Variants in VNN1 observed in about 807,000 individuals in gnomAD.
VNN1 encodes the protein pantetheinase.
Under a neutral mutation model 41.9 loss-of-function variants are expected in VNN1, and 29 were observed. That is an observed-to-expected ratio of 0.69 (90% confidence interval 0.52 to 0.94). VNN1 has a LOEUF of 0.94. Among genes scored for constraint, VNN1 ranks in the 40% least tolerant of loss-of-function variants. The pLI, the probability that VNN1 is intolerant of heterozygous loss-of-function variation, is 0.00. For synonymous variants in VNN1, 233 were observed against 224.4 expected, an observed-to-expected ratio of 1.04 and a Z score of -0.34; for missense variants, 637 against 621.1, an observed-to-expected ratio of 1.03 and a Z score of -0.27.
chr6:132,693,269 G>C lies in VNN1; in HGVS notation c.581C>G (p.Pro194Arg). Residue 194 changes from proline (P) to arginine (R), a missense_variant, in exon 4 of 7, where the codon CCT (proline) becomes CGT (arginine). Pro to Arg is a moderately radical substitution (Grantham distance 103). Transcript: ENST00000367928. ...GGTGGTATTGAAAGTCACAATCTCA[G>C]GCTCCTTGGGTACATTGAATTGATT... is the stretch of plus-strand genomic sequence containing the variant. ...GENQFNVPKE[P>R]EIVTFNTTFG... 6.2e-7 allele frequency: 1 copy of C among 1,613,816 alleles called. No homozygotes were observed. The highest frequency in any genetic ancestry group is 1.1e-5 in the South Asian group (1 of 91,016).
rs1778129202 is a variant in VNN1, at chr6:132,681,892, A to T, written c.*1248T>A. The T allele has an allele frequency of 6.6e-6, 1 of 152,640 alleles. No homozygotes were observed. The highest frequency in any genetic ancestry group is 1.5e-5 in the Non-Finnish European group (1 of 68,050). 9.5% of individuals were successfully genotyped at this position (152,640 alleles called of 1,614,324 possible). ...TTTGCTGGCATAGATCACTACTGCA[A>T]GTGCCTTGCTCTCCTGTGCAGAAGG... is the stretch of plus-strand genomic sequence containing the variant. On this transcript the variant is annotated 3_prime_UTR_variant, in exon 7 of 7. Coordinates refer to ENST00000367928, the MANE Select transcript of VNN1 (RefSeq NM_004666.3).
chr6:132,709,674 A>AG (rs1554212911), intron 2 of VNN1, among the ~76,000 whole-genome samples: 2 of 104,912 alleles, frequency 1.9e-5, no homozygotes, highest in South Asian at 3.0e-4. Flanking sequence ...AAAAAAAAAA[A>AG]AGAGAGAGAG....
rs879832681 is a variant in VNN1 at position 132,692,814 on chromosome 6, GA to G, written c.826+209del. Among the ~76,000 whole-genome samples the G allele has an allele frequency of 8.7e-5, 13 of 149,272 alleles. No individual in the cohort carries two copies. The South Asian group carries it at 1.5e-3, about 17-fold the overall frequency. ...TTGTATGTAAGAAGTCATATATTTT[GA>G]AAAAAAAATCAAGTTAAATAAAACC... On this transcript the variant is annotated intron_variant, in intron 4 of 6. Coordinates refer to ENST00000367928, the MANE Select transcript of VNN1 (RefSeq NM_004666.3).
chr6:132,691,380 A>G (rs1257608245), intron 5 of VNN1, among the ~76,000 whole-genome samples: 1 of 152,092 alleles, frequency 6.6e-6, no homozygotes, highest in African/African-American at 2.4e-5. Flanking sequence ...GAGAAGAATG[A>G]GAGGACCATG....
chr6:132,685,601 C>T (rs2251449), intron 5 of VNN1, among the ~76,000 whole-genome samples: 62,004 of 152,004 alleles, frequency 0.41, 14,699 homozygotes, highest in African/African-American at 0.66. Context: ...GTAATTGATT[C>T]AGCAGACCCA....
chr6:132,703,059 C>T (rs773245996), intron 2 of VNN1, among the ~76,000 whole-genome samples: 15 of 152,188 alleles, frequency 9.9e-5, no homozygotes, highest in Non-Finnish European at 2.1e-4. Flanking sequence ...ACCAAGCAGA[C>T]TCCTAAAGTC....
chr6:132,703,412 A>G (rs1269241129), intron 2 of VNN1, among the ~76,000 whole-genome samples: 1 of 152,180 alleles, frequency 6.6e-6, no homozygotes, highest in Non-Finnish European at 1.5e-5. Context: ...AGTATGGGGG[A>G]TGAAGTTAAA....
chr6:132,697,235 A>G (rs1261512591), intron 2 of VNN1, among the ~76,000 whole-genome samples: 1 of 152,220 alleles, frequency 6.6e-6, no homozygotes, highest in African/African-American at 2.4e-5. Context: ...TTAGTAATAA[A>G]TAGGTACTAT....
Position 132,682,559 on chromosome 6 carries a change from T to C in VNN1, c.*581A>G, listed in dbSNP as rs938159887. Reference sequence around the variant, plus strand: ...TGTGCCCTACTCGCCTCTTCTTTTATGATCATCAGTCATATTGAATTAGGG... The same window carrying C: ...TGTGCCCTACTCGCCTCTTCTTTTACGATCATCAGTCATATTGAATTAGGG... On this transcript the variant is annotated 3_prime_UTR_variant, in exon 7 of 7. Transcript: ENST00000367928. The C allele has an allele frequency of 1.3e-5, 2 of 152,330 alleles. No homozygotes were observed. Among genetic ancestry groups the C allele is most frequent in the Non-Finnish European group, 2.9e-5 (2 of 68,152 alleles). The allele number at this position is 152,330 out of a possible 1,614,324, so 9.4% of individuals were successfully genotyped here. A position where few individuals can be genotyped will look rare whatever the true frequency, so the allele number is the denominator to read the frequency against.
chr6:132,701,426 A>T (rs1323053508), intron 2 of VNN1, among the ~76,000 whole-genome samples: 2 of 152,326 alleles, frequency 1.3e-5, no homozygotes, highest in East Asian at 1.9e-4. Context: ...ATATGTCAGC[A>T]CCTACAGCTA....
chr6:132,698,543 A>G (rs2267950), intron 2 of VNN1, among the ~76,000 whole-genome samples: 28,959 of 152,222 alleles, frequency 0.19, 3,352 homozygotes, highest in East Asian at 0.36. Flanking sequence ...CTGAAATAAC[A>G]GTATGAAATA....
Position 132,684,386 on chromosome 6 carries a change from G to C in VNN1, c.1308C>G (p.Val436=). Residue 436 remains valine (V), a synonymous_variant, in exon 6 of 7, where the codon GTC becomes GTG. Transcript: ENST00000367928. The part of the protein sequence containing the change: ...SLSGTFGTQY[V]FPEVLLSENQ... ...TTTCACTCAGCAACACCTCAGGAAA[G>C]ACATACTGGGTTCCGAAAGTGCCAC... is the stretch of plus-strand genomic sequence containing the variant. 2.5e-6 allele frequency: 4 copies of C among 1,613,928 alleles called. No individual in the cohort carries two copies. Among genetic ancestry groups the C allele is most frequent in the Non-Finnish European group, 3.4e-6 (4 of 1,179,906 alleles).
chr6:132,683,878 C>T (rs552663396), intron 6 of VNN1, among the ~76,000 whole-genome samples: 12 of 152,284 alleles, frequency 7.9e-5, no homozygotes, highest in African/African-American at 2.9e-4. Flanking sequence ...AAAGTTTTTG[C>T]TTTTTTGCTA....
intron 2 of VNN1, among the ~76,000 whole-genome samples, chr6:132,710,491 T>C (rs1420093117): frequency 1.3e-5 from 2 of 152,122 alleles, no homozygotes; most frequent in Non-Finnish European, 2.9e-5. Context: ...TCATCTACAT[T>C]AGGTATTTCT....
Position 132,692,474 on chromosome 6 carries a change from C to G in VNN1, c.937G>C (p.Val313Leu). 6.2e-7 allele frequency: 1 copy of G among 1,614,040 alleles called. No individual in the cohort carries two copies. The highest frequency in any genetic ancestry group is 8.5e-7 in the Non-Finnish European group (1 of 1,180,024). ...QLDSHPSHSA[V>L]VNWTSYASSI... ...CTGGCATAGGAAGTCCAGTTCACCA[C>G]TGCAGAATGGGATGGGTGGGAATCC... is the stretch of plus-strand genomic sequence containing the variant. The change falls in exon 5 of 7, where the codon GTG becomes CTG. Residue 313 changes from valine to leucine, a missense_variant. Physicochemically the swap from Val to Leu is conservative, Grantham distance 32 (BLOSUM62 1). Coordinates refer to ENST00000367928, the MANE Select transcript of VNN1 (RefSeq NM_004666.3).
rs1335715232 is a variant in VNN1 at position 132,683,233 on chromosome 6, G to A, written c.1449C>T (p.Asp483=). 1 of 1,613,970 alleles carries A rather than the reference G, an allele frequency of 6.2e-7. No individual in the cohort carries two copies. The highest frequency in any genetic ancestry group is 8.5e-7 in the Non-Finnish European group (1 of 1,180,002). Residue 483 remains aspartate (D), a synonymous_variant, in exon 7 of 7, where the codon GAC becomes GAT. Transcript: ENST00000367928. ...GGCCTGATGAAGCATTTGATGCCCA[G>A]TCCTTCTCATACAACCTCCCAAACA... The part of the protein sequence containing the change: ...VTLFGRLYEK[D]WASNASSGLT...
chr6:132,693,372 T>C, intron 3 of VNN1, 57 bp from the exon 4 acceptor site: 1 of 1,481,126 alleles, frequency 6.8e-7, no homozygotes, highest in Non-Finnish European at 9.0e-7. Context: ...GATCTGGACA[T>C]CACAGTGTGG....
At chr6:132,700,655 G>A (rs1300398534) in intron 2 of VNN1, among the ~76,000 whole-genome samples, 1 of 152,158 alleles carries the variant, frequency 6.6e-6, no homozygotes, top group Non-Finnish European at 1.5e-5. Context: ...GTGGAGATGG[G>A]AAGGATGAAA....
At chr6:132,687,595 G>A (rs1388568056) in intron 5 of VNN1, among the ~76,000 whole-genome samples, 2 of 152,160 alleles carry the variant, frequency 1.3e-5, no homozygotes, top group African/African-American at 2.4e-5. Context: ...GCAAATAAAG[G>A]TAGAAGGAGA....
Sources: gnomAD v4.1 joint callset for allele counts (sites outside exome capture counted in the v4.1 genomes callset) on GRCh38, gnomAD v4.1.1 for gene constraint, MANE v1.5 for transcripts, NCBI Gene and HGNC (gene_info 2026-07-23, HGNC 2026-07-21) for gene names.